Variants in GPC3 observed in about 807,000 individuals in gnomAD.
GPC3 encodes the protein glypican-3.
A neutral mutation model predicts 34.4 loss-of-function variants in GPC3; 3 were observed. The observed-to-expected ratio is 0.09, with a 90% CI of 0.04 to 0.23. GPC3 has a LOEUF of 0.23. Among genes scored for constraint, GPC3 ranks in the 10% least tolerant of loss-of-function variants. The pLI, the probability that GPC3 is intolerant of heterozygous loss-of-function variation, is 1.00. For missense variants in GPC3, 351 were observed against 445.6 expected (o/e 0.79, Z 1.91); for synonymous variants, 177 against 174.0 (o/e 1.02, Z -0.13).
intron 1 of GPC3, among the ~76,000 whole-genome samples, chrX:133,970,396 G>A (rs971175524): frequency 3.6e-5 from 4 of 111,411 alleles, no homozygotes; most frequent in African/African-American, 1.3e-4. Context: ...GTCAAAACAT[G>A]CCTCCTGATT....
intron 1 of GPC3, among the ~76,000 whole-genome samples, chrX:133,960,128 G>A (rs1049538871): frequency 9.0e-6 from 1 of 110,717 alleles, no homozygotes; most frequent in African/African-American, 3.3e-5. Flanking sequence ...GCCAATGGGT[G>A]AAATGTGTTT....
At chrX:133,910,104 T>C (rs1022019801) in intron 2 of GPC3, among the ~76,000 whole-genome samples, 2 of 110,799 alleles carry the variant, frequency 1.8e-5, no homozygotes, top group African/African-American at 6.6e-5. Flanking sequence ...CCTTCATCTC[T>C]TCTCTGAGAT....
chrX:133,790,412 T>G (rs774423740), intron 2 of GPC3, among the ~76,000 whole-genome samples: 72 of 109,071 alleles, frequency 6.6e-4, no homozygotes, highest in Admixed American at 3.5e-3. Flanking sequence ...TCAGATTATA[T>G]TCATCACATT....
chrX:133,603,186 C>T (rs1438649451), intron 6 of GPC3, among the ~76,000 whole-genome samples: 2 of 109,183 alleles, frequency 1.8e-5, no homozygotes, highest in Non-Finnish European at 3.8e-5. Flanking sequence ...CCAATTCACT[C>T]ACTGAGTTTC....
intron 2 of GPC3, chrX:133,762,797 C>T (rs1203894308): frequency 1.7e-5 from 8 of 472,835 alleles, no homozygotes; most frequent in Middle Eastern, 5.2e-4. Flanking sequence ...ACTTTCACAA[C>T]GTCCGGAGCC....
intron 2 of GPC3, among the ~76,000 whole-genome samples, chrX:133,783,642 G>A (rs191564053): frequency 2.7e-5 from 3 of 112,137 alleles, no homozygotes; most frequent in Non-Finnish European, 3.8e-5. Flanking sequence ...GGGCTTCCAG[G>A]AGGAGGTGCT....
intron 6 of GPC3, among the ~76,000 whole-genome samples, chrX:133,623,892 T>G (rs1472519771): frequency 8.1e-5 from 9 of 111,550 alleles, no homozygotes; most frequent in African/African-American, 2.9e-4. Flanking sequence ...ATTCCAAAAT[T>G]GACCACATAG....
At chrX:133,862,709 T>C (rs1369960547) in intron 2 of GPC3, among the ~76,000 whole-genome samples, 1 of 109,840 alleles carries the variant, frequency 9.1e-6, no homozygotes, top group African/African-American at 3.3e-5. Context: ...ATAATAATAA[T>C]AATAATAATA....
chrX:133,715,611 C>T (rs1273440627), intron 3 of GPC3, among the ~76,000 whole-genome samples: 1 of 97,800 alleles, frequency 1.0e-5, no homozygotes, highest in Non-Finnish European at 2.0e-5. Flanking sequence ...ATTGAGCTCA[C>T]CTGTGCAAAA....
intron 5 of GPC3, among the ~76,000 whole-genome samples, chrX:133,671,809 C>T (rs1252173286): frequency 1.8e-5 from 2 of 111,426 alleles, no homozygotes; most frequent in Admixed American, 9.6e-5. Flanking sequence ...TCCCCCATTC[C>T]CCCATCCCAC....
At chrX:133,552,568 G>A (rs1293771953) in intron 7 of GPC3, among the ~76,000 whole-genome samples, 2 of 111,822 alleles carry the variant, frequency 1.8e-5, no homozygotes, top group Non-Finnish European at 1.9e-5. Context: ...TACATATCAA[G>A]CAATACGAAA....
At chrX:133,872,216 G>A (rs182562304) in intron 2 of GPC3, among the ~76,000 whole-genome samples, 14 of 111,291 alleles carry the variant, frequency 1.3e-4, no homozygotes, top group African/African-American at 3.6e-4. Flanking sequence ...TTTATTTCAA[G>A]TACTCATAAA....
At chrX:133,910,350 C>A (rs2076192379) in intron 2 of GPC3, among the ~76,000 whole-genome samples, 1 of 111,287 alleles carries the variant, frequency 9.0e-6, no homozygotes. Flanking sequence ...AAGTTCCCAG[C>A]ATCAAAATGG....
chrX:133,798,599 T>C (rs1405926629), intron 2 of GPC3, among the ~76,000 whole-genome samples: 1 of 112,403 alleles, frequency 8.9e-6, no homozygotes, highest in African/African-American at 3.2e-5. Flanking sequence ...GACAGTGGAA[T>C]AATATGTGAG....
intron 7 of GPC3, among the ~76,000 whole-genome samples, chrX:133,558,122 T>C (rs761837065): frequency 4.5e-5 from 5 of 111,112 alleles, no homozygotes; most frequent in Non-Finnish European, 7.5e-5. Context: ...TCCTCACAAA[T>C]GGAAGAAATA....
chrX:133,864,858 C>A (rs1475349390), intron 2 of GPC3, among the ~76,000 whole-genome samples: 1 of 112,648 alleles, frequency 8.9e-6, no homozygotes. Flanking sequence ...CCTGGATCTT[C>A]TTTCTGAATG....
chrX:133,886,351 A>T (rs2076061705), intron 2 of GPC3, among the ~76,000 whole-genome samples: 1 of 102,884 alleles, frequency 9.7e-6, no homozygotes, highest in Admixed American at 1.1e-4. Flanking sequence ...CCCTATTTTA[A>T]AAAAAAAAAA....
chrX:133,874,630 A>T (rs749629332), intron 2 of GPC3, among the ~76,000 whole-genome samples: 10 of 110,991 alleles, frequency 9.0e-5, no homozygotes, highest in Non-Finnish European at 1.5e-4. Flanking sequence ...CGATGTTTTT[A>T]CTCTCCCCAG....
chrX:133,663,704 G>C (rs948618835), intron 5 of GPC3, among the ~76,000 whole-genome samples: 2 of 111,367 alleles, frequency 1.8e-5, no homozygotes, highest in African/African-American at 6.5e-5. Flanking sequence ...ACTCTCACTG[G>C]GTTCCCAAAC....
Sources: gnomAD v4.1 joint callset for allele counts (sites outside exome capture counted in the v4.1 genomes callset) on GRCh38, gnomAD v4.1.1 for gene constraint, MANE v1.5 for transcripts, NCBI Gene and HGNC (gene_info 2026-07-23, HGNC 2026-07-21) for gene names.